The following HIBADH variants were observed in gnomAD, a reference collection of about 807,000 sequenced individuals.
The protein encoded by HIBADH is 3-hydroxyisobutyrate dehydrogenase, also known as 3-hydroxyisobutyrate dehydrogenase, mitochondrial.
In HIBADH, 25 loss-of-function variants were observed where a neutral mutation model predicts 36.1. The ratio of observed to expected loss-of-function variants is 0.69; its 90% confidence interval spans 0.50 to 0.97. The LOEUF (loss-of-function observed/expected upper bound fraction) is 0.97, where lower values mean the gene tolerates loss of function less well. Ranked by LOEUF, HIBADH falls within the 50% of genes least tolerant of loss-of-function variation. HIBADH has a pLI of 0.00. For synonymous variants in HIBADH, 160 were observed against 149.5 expected, an observed-to-expected ratio of 1.07 and a Z score of -0.51; for missense variants, 421 against 418.0, an observed-to-expected ratio of 1.01 and a Z score of -0.06.
At chr7:27,595,581 T>G (rs1276828089) in intron 4 of HIBADH, among the ~76,000 whole-genome samples, 134 of 10,174 alleles carry the variant, frequency 0.013, no homozygotes, top group African/African-American at 0.027. Context: ...TAAGGGCAGG[T>G]GTGTGTGTGT....
intron 2 of HIBADH, among the ~76,000 whole-genome samples, chr7:27,639,820 A>C (rs1444620344): frequency 6.6e-6 from 1 of 152,232 alleles, no homozygotes; most frequent in African/African-American, 2.4e-5. Flanking sequence ...TAAATGCCTT[A>C]TCAGAATAGG....
intron 4 of HIBADH, among the ~76,000 whole-genome samples, chr7:27,552,971 A>T (rs1236606851): frequency 6.6e-6 from 1 of 152,210 alleles, no homozygotes; most frequent in African/African-American, 2.4e-5. Context: ...AAACAAAAGC[A>T]AGGGACATGC....
intron 4 of HIBADH, among the ~76,000 whole-genome samples, chr7:27,597,679 C>T (rs1785054098): frequency 1.3e-5 from 2 of 152,090 alleles, no homozygotes; most frequent in South Asian, 2.1e-4. Context: ...CTACTTTCCT[C>T]CAACACCAAT....
chr7:27,604,661 C>T (rs1281399472), intron 4 of HIBADH, among the ~76,000 whole-genome samples: 1 of 152,074 alleles, frequency 6.6e-6, no homozygotes, highest in African/African-American at 2.4e-5. Flanking sequence ...ATTTCAGGGT[C>T]AAATGTCATG....
chr7:27,661,295 T>C (rs1056352105), intron 1 of HIBADH, among the ~76,000 whole-genome samples: 3 of 152,138 alleles, frequency 2.0e-5, no homozygotes, highest in Non-Finnish European at 2.9e-5. Flanking sequence ...TTAAGAATTG[T>C]AAGAGAAAGT....
intron 6 of HIBADH, among the ~76,000 whole-genome samples, chr7:27,538,035 G>T (rs1425469021): frequency 6.6e-6 from 1 of 152,150 alleles, no homozygotes; most frequent in Non-Finnish European, 1.5e-5. Flanking sequence ...ACAGAAAAGT[G>T]TTTCTTGTAT....
At chr7:27,623,069 C>G (rs1374929983) in intron 4 of HIBADH, among the ~76,000 whole-genome samples, 2 of 152,148 alleles carry the variant, frequency 1.3e-5, no homozygotes, top group Non-Finnish European at 2.9e-5. Flanking sequence ...ACAACACGAT[C>G]AAGTGAGATT....
At chr7:27,646,474 C>A (rs1439165759) in intron 2 of HIBADH, among the ~76,000 whole-genome samples, 3 of 152,074 alleles carry the variant, frequency 2.0e-5, no homozygotes, top group African/African-American at 7.2e-5. Context: ...TGCCTGAAAC[C>A]ACAGACAGTA....
intron 4 of HIBADH, among the ~76,000 whole-genome samples, chr7:27,591,910 A>C (rs936873159): frequency 6.6e-6 from 1 of 152,234 alleles, no homozygotes; most frequent in Non-Finnish European, 1.5e-5. Context: ...AAGAACCTTC[A>C]TGTGAGTGTC....
At chr7:27,645,820 C>T (rs74974006) in intron 2 of HIBADH, among the ~76,000 whole-genome samples, 302 of 152,156 alleles carry the variant, frequency 2.0e-3, no homozygotes, top group African/African-American at 6.9e-3. Context: ...CTTATGCTGG[C>T]GTTGTAAGAC....
intron 4 of HIBADH, among the ~76,000 whole-genome samples, chr7:27,626,698 T>A (rs1785654647): frequency 1.3e-5 from 2 of 152,214 alleles, no homozygotes; most frequent in African/African-American, 2.4e-5. Context: ...CTGAGTTTTT[T>A]AAAAAAACTT....
intron 1 of HIBADH, among the ~76,000 whole-genome samples, chr7:27,656,036 T>C (rs1314482585): frequency 2.0e-5 from 3 of 152,140 alleles, no homozygotes; most frequent in Non-Finnish European, 4.4e-5. Context: ...TCTAAGAATA[T>C]ATACTACACA....
chr7:27,543,510 C>G (rs1261499030), intron 4 of HIBADH, among the ~76,000 whole-genome samples: 2 of 152,180 alleles, frequency 1.3e-5, no homozygotes, highest in Non-Finnish European at 2.9e-5. Flanking sequence ...AGAGAGAGGT[C>G]TGCTGCCCAC....
intron 4 of HIBADH, among the ~76,000 whole-genome samples, chr7:27,593,933 G>A (rs961554188): frequency 2.0e-5 from 3 of 151,436 alleles, no homozygotes; most frequent in African/African-American, 7.3e-5. Context: ...AGAGACAGGA[G>A]AATGGTATGA....
rs754345433 is a variant in HIBADH at position 27,662,721 on chromosome 7, G to C, written c.68C>G (p.Pro23Arg). The C allele has an allele frequency of 7.2e-7, 1 of 1,380,100 alleles. No homozygotes were observed. Among genetic ancestry groups the C allele is most frequent in the African/African-American group, 1.5e-5 (1 of 65,840 alleles). 85.5% of individuals were successfully genotyped at this position (1,380,100 alleles called of 1,614,324 possible). ...ACCCGCTGCAAAGCTGCCGGCTGCC[G>C]GCCGCAGCCGCCGGCTCCAGTACCG... ...GLRYWSRRLR[P>R]AAGSFAAVCS... The change falls in exon 1 of 8, where the codon CCG (proline) becomes CGG (arginine). Residue 23 changes from proline (P) to arginine (R), a missense_variant. Transcript: ENST00000265395.
At chr7:27,568,779 CTA>C (rs1784584555) in intron 4 of HIBADH, among the ~76,000 whole-genome samples, 1 of 152,018 alleles carries the variant, frequency 6.6e-6, no homozygotes, top group South Asian at 2.1e-4. Flanking sequence ...AACATTTTTT[CTA>C]TGTGTCTGGT....
At chr7:27,617,937 T>G (rs997153980) in intron 4 of HIBADH, among the ~76,000 whole-genome samples, 14 of 151,890 alleles carry the variant, frequency 9.2e-5, no homozygotes, top group Admixed American at 3.9e-4. Context: ...GGTATACTAC[T>G]CCCCAGGAAA....
chr7:27,531,129 G>A, intron 7 of HIBADH, 63 bp downstream of exon 7: 1 of 1,446,046 alleles, frequency 6.9e-7, no homozygotes, highest in Non-Finnish European at 9.3e-7. Context: ...AGAAAGAGAA[G>A]GAAGGTGTTA....
At chr7:27,564,169 AT>A (rs1784506165) in intron 4 of HIBADH, among the ~76,000 whole-genome samples, 1 of 152,116 alleles carries the variant, frequency 6.6e-6, no homozygotes, top group African/African-American at 2.4e-5. Flanking sequence ...AAGTGCTGGG[AT>A]TACAGGCGTG....
Sources: allele counts gnomAD v4.1 joint callset (sites outside exome capture counted in the v4.1 genomes callset), GRCh38; gene constraint gnomAD v4.1.1; transcripts MANE v1.5; gene names NCBI Gene and HGNC (gene_info 2026-07-23, HGNC 2026-07-21).